ZKSCAN8: variants seen among roughly 807,000 people sequenced by gnomAD.
The protein encoded by ZKSCAN8 is zinc finger with KRAB and SCAN domains 8.
ZKSCAN8 carries 27 observed loss-of-function variants against 57.2 expected under a neutral mutation model. The ratio of observed to expected loss-of-function variants is 0.47; its 90% CI spans 0.35 to 0.65. The LOEUF (loss-of-function observed/expected upper bound fraction) is 0.65. Ranked by LOEUF, ZKSCAN8 falls within the 30% of genes least tolerant of loss-of-function variation. The pLI is 0.01. For missense variants in ZKSCAN8, 597 were observed against 696.3 expected (o/e 0.86, Z 1.60); for synonymous variants, 214 against 248.7 (o/e 0.86, Z 1.31).
chr6:28,149,762 T>G (rs1250462868), intron 3 of ZKSCAN8, 138 bp downstream of exon 3: 7 of 914,418 alleles, frequency 7.7e-6, no homozygotes, highest in Non-Finnish European at 9.3e-6. Flanking sequence ...TTTAAATGTT[T>G]AGGCTTCAAA....
intron 4 of ZKSCAN8, 49 bp downstream of exon 4, chr6:28,151,985 G>A: frequency 6.3e-7 from 1 of 1,592,786 alleles, no homozygotes; most frequent in Non-Finnish European, 8.6e-7. Context: ...GCTTGTCAGT[G>A]TTTGTGGCAT....
rs1035223601 is a variant in ZKSCAN8, at chr6:28,156,087, G to T, written c.*2070G>T. 13 of 398,020 alleles carry T rather than the reference G, an allele frequency of 3.3e-5. No individual in the cohort carries two copies. In the South Asian group the frequency reaches 1.5e-3, roughly 47 times the overall value. The allele number at this position is 398,020 out of a possible 1,614,324, so 24.7% of individuals were successfully genotyped here. The stretch of plus-strand genomic sequence containing the variant: ...CCTCTGTAAGATACTGATTCTTCCT[G>T]GGGCCAGTATTACCTTGTATGCAAA... On this transcript the variant is annotated 3_prime_UTR_variant, in exon 6 of 6. Coordinates refer to ENST00000330236, the MANE Select transcript of ZKSCAN8 (RefSeq NM_006298.4).
At chr6:28,152,738 A>G (rs987085903) in intron 5 of ZKSCAN8, among the ~76,000 whole-genome samples, 2 of 152,084 alleles carry the variant, frequency 1.3e-5, no homozygotes, top group African/African-American at 4.8e-5. Context: ...GCATTTTCCC[A>G]TTTCTGTCCT....
rs1002081968 is a variant in ZKSCAN8, at chr6:28,158,632, G to A, written c.*4615G>A. ...AGTTTTTAATCAGTTTTCTCCTTGA[G>A]GCTTGATCTCCCATTTCTCTCATCC... is the stretch of plus-strand genomic sequence containing the variant. On this transcript the variant is annotated 3_prime_UTR_variant, in exon 6 of 6. Transcript: ENST00000330236. 2.0e-5 allele frequency: 3 copies of A among 152,204 alleles called. No homozygotes were observed. The highest frequency in any genetic ancestry group is 7.2e-5 in the African/African-American group (3 of 41,520). 9.4% of individuals were successfully genotyped at this position (152,204 alleles called of 1,614,324 possible).
rs200124524 is a variant in ZKSCAN8, at chr6:28,148,382, G to A, written c.-26G>A. 67 of 1,589,886 alleles carry A rather than the reference G, an allele frequency of 4.2e-5. No individual in the cohort carries two copies. Among genetic ancestry groups the A allele is most frequent in the East Asian group, 3.8e-4 (17 of 44,554 alleles). On this transcript the variant is annotated 5_prime_UTR_variant, in exon 2 of 6. Transcript: ENST00000330236. ...AGAAGATAAAGAAGGTAGTGGAAAC[G>A]AACTTCCTGAGCTTTTCAGGCTCTA...
chr6:28,141,921 G>A lies in ZKSCAN8; in HGVS notation c.-201G>A, dbSNP rs1337272815. 1 of 152,546 alleles carries A rather than the reference G, an allele frequency of 6.6e-6. No individual in the cohort carries two copies. The highest frequency in any genetic ancestry group is 1.5e-5 in the Non-Finnish European group (1 of 68,300). The allele number at this position is 152,546 out of a possible 1,614,324, so 9.4% of individuals were successfully genotyped here. A position where few individuals can be genotyped will look rare whatever the true frequency, so the allele number is the denominator to read the frequency against. ...AGATTTAGAAGTTAGTGGCCGGAGG[G>A]GCCTGGTCCGAGTACAGCTTTCATC... On this transcript the variant is annotated 5_prime_UTR_variant, in exon 1 of 6. Coordinates refer to ENST00000330236, the MANE Select transcript of ZKSCAN8 (RefSeq NM_006298.4).
intron 1 of ZKSCAN8, among the ~76,000 whole-genome samples, chr6:28,145,682 C>T (rs553665035): frequency 5.9e-5 from 9 of 152,294 alleles, no homozygotes; most frequent in African/African-American, 2.2e-4. Flanking sequence ...TTTGGCATTC[C>T]TTGGCTTGCA....
At chr6:28,143,711 A>C (rs1284118404) in intron 1 of ZKSCAN8, among the ~76,000 whole-genome samples, 1 of 152,212 alleles carries the variant, frequency 6.6e-6, no homozygotes, top group Non-Finnish European at 1.5e-5. Context: ...CTACCACTAT[A>C]TAACATCACA....
rs1209530271 is a variant in ZKSCAN8 at position 28,153,338 on chromosome 6, A to G, written c.1058A>G (p.Asn353Ser). ...IHTGEKPYQC[N>S]VCGKAFSYRS... ...ACTGGGGAGAAACCCTATCAGTGTA[A>G]TGTGTGTGGTAAAGCCTTCAGTTAC... is the stretch of plus-strand genomic sequence containing the variant. The change falls in exon 6 of 6, where the codon AAT becomes AGT. Residue 353 changes from asparagine (N) to serine (S), a missense_variant. Physicochemically the swap from Asn to Ser is conservative, Grantham distance 46 (BLOSUM62 1). Coordinates refer to ENST00000330236, the MANE Select transcript of ZKSCAN8 (RefSeq NM_006298.4). 3.7e-6 allele frequency: 6 copies of G among 1,614,146 alleles called. 1 individual carries two copies. The South Asian group carries it at 6.6e-5, about 18-fold the overall frequency.
In ZKSCAN8 at chr6:28,148,355, T is replaced by G. The variant is rs1765470275; in HGVS notation, c.-53T>G. ...AGAGGCCCTCAGAAGAGTCTTCTCT[T>G]AAGAAGATAAAGAAGGTAGTGGAAA... On this transcript the variant is annotated 5_prime_UTR_variant, in exon 2 of 6. Coordinates refer to ENST00000330236, the MANE Select transcript of ZKSCAN8 (RefSeq NM_006298.4). 3.2e-6 allele frequency: 5 copies of G among 1,541,040 alleles called. No homozygotes were observed. In the East Asian group the frequency reaches 1.1e-4, roughly 35 times the overall value.
In ZKSCAN8 at chr6:28,148,311, TGAA is replaced by T; in HGVS notation, c.-92_-90del. 72 of 1,314,254 alleles carry T rather than the reference TGAA, an allele frequency of 5.5e-5. No individual in the cohort carries two copies. Among genetic ancestry groups the T allele is most frequent in the Non-Finnish European group, 7.2e-6 (7 of 970,292 alleles). The allele number at this position is 1,314,254 out of a possible 1,614,324, so 81.4% of individuals were successfully genotyped here. A position where few individuals can be genotyped will look rare whatever the true frequency, so the allele number is the denominator to read the frequency against. ...CCTTAACACTATCATATTTTCTTCA[TGAA>T]GAAGTACCCTTAGAAAGAGGCCCTC... On this transcript the variant is annotated splice_acceptor_variant and splice_polypyrimidine_tract_variant and intron_variant, in intron 1 of 5. Transcript: ENST00000330236. LOFTEE classifies it low-confidence loss of function (5UTR_SPLICE).
chr6:28,152,239 T>C (rs775800294), intron 4 of ZKSCAN8, 22 bp from the exon 5 acceptor site: 2 of 1,593,676 alleles, frequency 1.3e-6, no homozygotes, highest in Non-Finnish European at 1.7e-6. Context: ...AGTCCCCAAA[T>C]GGGGATCTTG....
At chr6:28,146,686 G>C (rs1370413372) in intron 1 of ZKSCAN8, among the ~76,000 whole-genome samples, 3 of 152,162 alleles carry the variant, frequency 2.0e-5, no homozygotes, top group African/African-American at 7.2e-5. Context: ...AAAGTTGCAA[G>C]ACCCACCTAC....
At position 28,144,958 on chromosome 6, in the gene ZKSCAN8, G is replaced by A. The variant is rs554366118; in HGVS notation, c.-93+2929G>A. 1.2e-3 allele frequency among the ~76,000 whole-genome samples: 182 copies of A among 152,312 alleles called. 1 individual carries two copies. The highest frequency in any genetic ancestry group is 4.2e-3 in the African/African-American group (176 of 41,560). ...TGTAGTCCCAGCTACTCGGGAGGCC[G>A]AGGCAGGAGAATGGCGTGAACCCGG... On this transcript the variant is annotated intron_variant, in intron 1 of 5. Coordinates refer to ENST00000330236, the MANE Select transcript of ZKSCAN8 (RefSeq NM_006298.4). The surrounding 1 kb of genome is among the most constrained non-coding windows in gnomAD (Gnocchi z 4.5).
At chr6:28,146,151 C>G (rs1039924513) in intron 1 of ZKSCAN8, among the ~76,000 whole-genome samples, 13 of 152,286 alleles carry the variant, frequency 8.5e-5, no homozygotes, top group African/African-American at 2.9e-4. Flanking sequence ...AAATCTCACT[C>G]TTACAAGAAA....
chr6:28,144,981 C>T lies in ZKSCAN8; in HGVS notation c.-93+2952C>T, dbSNP rs1484211790. 6.6e-6 allele frequency among the ~76,000 whole-genome samples: 1 copy of T among 152,034 alleles called. No homozygotes were observed. Among genetic ancestry groups the T allele is most frequent in the Non-Finnish European group, 1.5e-5 (1 of 68,014 alleles). On this transcript the variant is annotated intron_variant, in intron 1 of 5. Transcript: ENST00000330236. The surrounding 1 kb of genome is among the most constrained non-coding windows in gnomAD (Gnocchi z 4.5). ...CCGAGGCAGGAGAATGGCGTGAACC[C>T]GGGAGGCGGAGGTTGCAGTGAGCCG...
At position 28,155,344 on chromosome 6, in the gene ZKSCAN8, G is replaced by A. The variant is rs1343285461; in HGVS notation, c.*1327G>A. ...GAATACTATATAAAGTAATGAGACT[G>A]GTTTAAAGTAACATGCCAGAACTTA... On this transcript the variant is annotated 3_prime_UTR_variant, in exon 6 of 6. Transcript: ENST00000330236. The A allele has an allele frequency of 6.6e-6, 1 of 152,078 alleles. No homozygotes were observed. The highest frequency in any genetic ancestry group is 2.4e-5 in the African/African-American group (1 of 41,406). The allele number at this position is 152,078 out of a possible 1,614,324, so 9.4% of individuals were successfully genotyped here. A position where few individuals can be genotyped will look rare whatever the true frequency, so the allele number is the denominator to read the frequency against.
chr6:28,153,813 C>G lies in ZKSCAN8; in HGVS notation c.1533C>G (p.Ile511Met). ...CAGGCCTTATTGAACATCAGAGAAT[C>G]CACACTGGAGAAAGACCCTATAAAT... ...QKSGLIEHQR[I>M]HTGERPYKCK... Residue 511 changes from isoleucine to methionine, a missense_variant, in exon 6 of 6, where the codon ATC becomes ATG. By Grantham distance (10) the Ile-to-Met change is conservative. Transcript: ENST00000330236. 3 of 1,613,946 alleles carry G rather than the reference C, an allele frequency of 1.9e-6. No individual in the cohort carries two copies. Among genetic ancestry groups the G allele is most frequent in the Non-Finnish European group, 2.5e-6 (3 of 1,179,920 alleles).
rs549197271 is a variant in ZKSCAN8 at position 28,148,946 on chromosome 6, A to G, written c.417+122A>G. 20 of 1,163,718 alleles carry G rather than the reference A, an allele frequency of 1.7e-5. 2 individuals carry two copies. The South Asian group carries it at 2.5e-4, about 15-fold the overall frequency. 72.1% of individuals were successfully genotyped at this position (1,163,718 alleles called of 1,614,324 possible). On this transcript the variant is annotated intron_variant, in intron 2 of 5. Transcript: ENST00000330236. Reference sequence around the variant, plus strand: ...CAGTTTCTGTTGGATAAGGATGACAATAGTTTTAGTGTAGTATGACTTGTA... The same window carrying G: ...CAGTTTCTGTTGGATAAGGATGACAGTAGTTTTAGTGTAGTATGACTTGTA...
Sources: gnomAD v4.1 joint callset for allele counts (sites outside exome capture counted in the v4.1 genomes callset) on GRCh38, gnomAD v4.1.1 for gene constraint, Gnocchi (gnomAD v3.1) non-coding constraint, MANE v1.5 for transcripts, NCBI Gene and HGNC (gene_info 2026-07-23, HGNC 2026-07-21) for gene names.